FARS2: variants seen among roughly 807,000 people sequenced by gnomAD.
FARS2 encodes phenylalanyl-tRNA synthetase 2, mitochondrial.
Under a neutral mutation model 46.4 loss-of-function variants are expected in FARS2, and 40 were observed. That is an observed-to-expected ratio of 0.86 (90% CI 0.67 to 1.12). The LOEUF (loss-of-function observed/expected upper bound fraction) is 1.12, where lower values mean the gene tolerates loss of function less well. FARS2 is among the 50% of genes most tolerant of loss of function. FARS2 has a pLI of 0.00. For synonymous variants in FARS2, 234 were observed against 214.9 expected, an observed-to-expected ratio of 1.09 and a Z score of -0.78; for missense variants, 513 against 567.9, an observed-to-expected ratio of 0.90 and a Z score of 0.98.
At chr6:5,620,336 A>G (rs1340969762) in intron 6 of FARS2, among the ~76,000 whole-genome samples, 1 of 151,794 alleles carries the variant, frequency 6.6e-6, no homozygotes, top group African/African-American at 2.4e-5. Context: ...TGCTTCTTAT[A>G]AAAAAAGTTT....
intron 6 of FARS2, among the ~76,000 whole-genome samples, chr6:5,672,102 C>T (rs1468663266): frequency 6.6e-6 from 1 of 152,180 alleles, no homozygotes; most frequent in African/African-American, 2.4e-5. Flanking sequence ...AGGAATCAGT[C>T]GGTAGCCGTG....
chr6:5,564,943 G>T (rs539614268), intron 5 of FARS2, among the ~76,000 whole-genome samples: 1 of 152,280 alleles, frequency 6.6e-6, no homozygotes. Context: ...AATTGGCTTT[G>T]CCTGTCACGC....
chr6:5,399,633 A>G (rs543041977), intron 2 of FARS2, among the ~76,000 whole-genome samples: 1 of 151,950 alleles, frequency 6.6e-6, no homozygotes, highest in Non-Finnish European at 1.5e-5. Context: ...TAGGTGATTT[A>G]TTTTTGTTAT....
chr6:5,732,964 C>T (rs1371652258), intron 6 of FARS2, among the ~76,000 whole-genome samples: 6 of 152,200 alleles, frequency 3.9e-5, no homozygotes, highest in South Asian at 2.1e-4. Context: ...GTCCTGGCCC[C>T]AAGCCCCCGG....
chr6:5,702,471 T>C (rs531782634), intron 6 of FARS2, among the ~76,000 whole-genome samples: 1 of 152,374 alleles, frequency 6.6e-6, no homozygotes, highest in African/African-American at 2.4e-5. Flanking sequence ...AAATATAACT[T>C]TAATTTTTCT....
At chr6:5,407,907 C>T (rs1404226197) in intron 3 of FARS2, among the ~76,000 whole-genome samples, 4 of 152,106 alleles carry the variant, frequency 2.6e-5, no homozygotes, top group Non-Finnish European at 4.4e-5. Context: ...ATTTTAGAGG[C>T]AGGGTGAGGT....
chr6:5,276,606 A>G (rs1339994634), intron 1 of FARS2, among the ~76,000 whole-genome samples: 1 of 152,148 alleles, frequency 6.6e-6, no homozygotes. Context: ...CTTTCCCTTT[A>G]TTCTTTACGG....
intron 1 of FARS2, among the ~76,000 whole-genome samples, chr6:5,321,794 T>C (rs1448034919): frequency 6.6e-6 from 1 of 152,212 alleles, no homozygotes; most frequent in East Asian, 1.9e-4. Context: ...CCTTATATAT[T>C]GATTGCTTTT....
intron 6 of FARS2, among the ~76,000 whole-genome samples, chr6:5,710,782 T>C (rs1386540545): frequency 6.6e-6 from 1 of 152,068 alleles, no homozygotes; most frequent in Non-Finnish European, 1.5e-5. Context: ...TGGGTGAGCA[T>C]AGGGGCTCAC....
chr6:5,329,742 A>G (rs1770664164), intron 1 of FARS2, among the ~76,000 whole-genome samples: 1 of 152,234 alleles, frequency 6.6e-6, no homozygotes, highest in Non-Finnish European at 1.5e-5. Context: ...TATAAAGGAT[A>G]CAACCCAGGA....
intron 3 of FARS2, among the ~76,000 whole-genome samples, chr6:5,417,074 T>C (rs1397146229): frequency 6.6e-6 from 1 of 152,184 alleles, no homozygotes; most frequent in Non-Finnish European, 1.5e-5. Flanking sequence ...TCCCAACTGA[T>C]ATTTTCCTTC....
At chr6:5,600,475 C>T (rs1314791048) in intron 5 of FARS2, among the ~76,000 whole-genome samples, 1 of 152,098 alleles carries the variant, frequency 6.6e-6, no homozygotes, top group East Asian at 1.9e-4. Flanking sequence ...ATCAAAGCAG[C>T]ATGAAATCAT....
At chr6:5,296,335 G>A (rs2127524293) in intron 1 of FARS2, among the ~76,000 whole-genome samples, 1 of 151,902 alleles carries the variant, frequency 6.6e-6, no homozygotes, top group South Asian at 2.1e-4. Context: ...TAGAGATGGG[G>A]TTTCACTGTG....
chr6:5,334,551 G>A (rs982061249), intron 1 of FARS2, among the ~76,000 whole-genome samples: 2 of 152,118 alleles, frequency 1.3e-5, no homozygotes, highest in Non-Finnish European at 2.9e-5. Context: ...GAGGTAGATC[G>A]CTATGCACTA....
At chr6:5,596,498 G>C (rs1774205248) in intron 5 of FARS2, among the ~76,000 whole-genome samples, 1 of 152,200 alleles carries the variant, frequency 6.6e-6, no homozygotes, top group South Asian at 2.1e-4. Flanking sequence ...CTAGTGCTGT[G>C]TATGGAACCA....
intron 1 of FARS2, among the ~76,000 whole-genome samples, chr6:5,364,641 A>T (rs563520232): frequency 6.6e-6 from 1 of 152,240 alleles, no homozygotes; most frequent in African/African-American, 2.4e-5. Context: ...CACAATCTCT[A>T]TAGCAGCTAT....
intron 6 of FARS2, among the ~76,000 whole-genome samples, chr6:5,681,428 A>G (rs192765837): frequency 6.6e-6 from 1 of 152,380 alleles, no homozygotes; most frequent in African/African-American, 2.4e-5. Flanking sequence ...CAGCAGATCC[A>G]GTTTTCACAA....
intron 6 of FARS2, among the ~76,000 whole-genome samples, chr6:5,723,379 C>CTG (rs1760036051): frequency 3.3e-5 from 5 of 152,078 alleles, no homozygotes; most frequent in African/African-American, 1.2e-4. Context: ...TGGGAAAAGG[C>CTG]TGCTGGATTC....
At chr6:5,410,085 A>G (rs182270438) in intron 3 of FARS2, among the ~76,000 whole-genome samples, 221 of 152,016 alleles carry the variant, frequency 1.5e-3, no homozygotes, top group Middle Eastern at 6.9e-3. Context: ...AATGTTAACA[A>G]TGCTTTCAGG....
Sources: gnomAD v4.1 joint callset for allele counts (sites outside exome capture counted in the v4.1 genomes callset) on GRCh38, gnomAD v4.1.1 for gene constraint, MANE v1.5 for transcripts, NCBI Gene and HGNC (gene_info 2026-07-23, HGNC 2026-07-21) for gene names.